The following GP6 variants were observed in gnomAD, a reference collection of about 807,000 sequenced individuals.
GP6 encodes the protein glycoprotein VI platelet.
Under a neutral mutation model 37.3 loss-of-function variants are expected in GP6, and 45 were observed. The observed-to-expected ratio is 1.21, with a 90% CI of 0.95 to 1.55. The LOEUF (loss-of-function observed/expected upper bound fraction) is 1.55, where lower values mean the gene tolerates loss of function less well. Ranked by LOEUF, GP6 falls within the 40% of genes most tolerant of loss-of-function variation. The probability of loss-of-function intolerance (pLI) is 0.00; values close to 1 mark genes in which losing one functional copy is unlikely to be tolerated. For missense variants in GP6, 813 were observed against 760.2 expected (o/e 1.07, Z -0.82); for synonymous variants, 340 against 316.4 (o/e 1.07, Z -0.79).
chr19:55,015,396 C>T (rs890626313), intron 7 of GP6, among the ~76,000 whole-genome samples: 6 of 152,218 alleles, frequency 3.9e-5, no homozygotes, highest in Non-Finnish European at 7.3e-5. Flanking sequence ...GACAACTCCT[C>T]CCCAGACACA....
chr19:55,026,113 C>T (rs2074293296), intron 4 of GP6, among the ~76,000 whole-genome samples: 1 of 151,858 alleles, frequency 6.6e-6, no homozygotes, highest in Non-Finnish European at 1.5e-5. Context: ...AACCTCAGTT[C>T]TATTTCTTCT....
At chr19:55,034,150 A>ATGTGTGTGTGTG (rs61435060) in intron 1 of GP6, among the ~76,000 whole-genome samples, 6,055 of 149,208 alleles carry the variant, frequency 0.041, 159 homozygotes, top group Non-Finnish European at 0.06. Flanking sequence ...ATATGTATGC[A>ATGTGTGTGTGTG]TGTGTGTGTG....
At chr19:55,035,445 C>T (rs944515536) in intron 1 of GP6, among the ~76,000 whole-genome samples, 5 of 152,166 alleles carry the variant, frequency 3.3e-5, no homozygotes, top group East Asian at 1.9e-4. Context: ...ACCGGCCGGG[C>T]GCGCTGGCTC....
rs1036345553 is a variant in GP6 at position 55,014,183 on chromosome 19, A to C, written c.1762T>G (p.Cys588Gly). 4.2e-6 allele frequency: 3 copies of C among 712,958 alleles called. No homozygotes were observed. Among genetic ancestry groups the C allele is most frequent in the Admixed American group, 2.0e-5 (1 of 50,272 alleles). 44.2% of individuals were successfully genotyped at this position (712,958 alleles called of 1,614,324 possible). ...CAGTGGTGTGATCTCAGCTCACTGC[A>C]ACCTCTGCCTCCCAGGCTCAAGCCA... Residue 588 changes from cysteine (C) to glycine (G), a missense_variant, in exon 8 of 8, where the codon TGC (cysteine) becomes GGC (glycine). Cys to Gly is a radical substitution (Grantham distance 159). Transcript: ENST00000310373.
At chr19:55,033,515 G>A (rs1266135020) in intron 1 of GP6, among the ~76,000 whole-genome samples, 1 of 147,196 alleles carries the variant, frequency 6.8e-6, no homozygotes, top group African/African-American at 2.5e-5. Context: ...TAGACACGGT[G>A]GGCTCGTTTG....
In GP6 at chr19:55,014,378, T is replaced by G. The variant is rs777054385; in HGVS notation, c.1567A>C (p.Ser523Arg). 1.5e-5 allele frequency: 24 copies of G among 1,613,540 alleles called. 2 individuals carry two copies. The South Asian group carries it at 2.5e-4, about 17-fold the overall frequency. The stretch of plus-strand genomic sequence containing the variant: ...AGCGGGCAACGTGCTAGTTTTACAC[T>G]AAGGAAAATGAATGACATACCCAAA... Residue 523 changes from serine (S) to arginine (R), a missense_variant, in exon 8 of 8, where the codon AGT becomes CGT. Physicochemically the swap from Ser to Arg is moderately radical, Grantham distance 110 (BLOSUM62 -1). Coordinates refer to ENST00000310373, the MANE Select transcript of GP6 (RefSeq NM_001083899.2).
chr19:55,027,016 TAC>T (rs2074332260), intron 4 of GP6, among the ~76,000 whole-genome samples: 1 of 122,210 alleles, frequency 8.2e-6, no homozygotes, highest in African/African-American at 3.3e-5. Context: ...CCTTCCCACC[TAC>T]GGCCCCGCCC....
intron 5 of GP6, among the ~76,000 whole-genome samples, chr19:55,024,535 A>G (rs922874288): frequency 5.9e-5 from 9 of 152,204 alleles, no homozygotes; most frequent in Non-Finnish European, 1.0e-4. Context: ...AGACACGCCC[A>G]GCCTCCAGCC....
rs765312634 is a variant in GP6 at position 55,014,903 on chromosome 19, G to T, written c.1042C>A (p.Arg348=). 2 of 1,613,690 alleles carry T rather than the reference G, an allele frequency of 1.2e-6. No individual in the cohort carries two copies. The highest frequency in any genetic ancestry group is 3.3e-5 in the Admixed American group (2 of 60,016). The change falls in exon 8 of 8, where the codon CGG becomes AGG. Residue 348 remains arginine, a synonymous_variant. Coordinates refer to ENST00000310373, the MANE Select transcript of GP6 (RefSeq NM_001083899.2). ...CATGATCCCTCCCTTGGATACGACCGTGCCTGGGGTTCAGCGGTCATGAAC... is the reference window on the plus strand; with the variant it reads ...CATGATCCCTCCCTTGGATACGACCTTGCCTGGGGTTCAGCGGTCATGAAC...
intron 1 of GP6, among the ~76,000 whole-genome samples, chr19:55,035,989 C>T (rs1044455325): frequency 1.3e-5 from 2 of 151,422 alleles, no homozygotes; most frequent in African/African-American, 4.9e-5. Flanking sequence ...AGGAGAATCA[C>T]TTAAACCCGG....
intron 3 of GP6, among the ~76,000 whole-genome samples, chr19:55,030,026 T>G (rs1568631174): frequency 2.0e-5 from 3 of 152,134 alleles, no homozygotes; most frequent in Admixed American, 2.0e-4. Flanking sequence ...TCCCAAACAA[T>G]TAACATATTT....
intron 5 of GP6, among the ~76,000 whole-genome samples, chr19:55,024,280 A>ACATGCACGCATG: frequency 3.3e-5 from 1 of 30,318 alleles, no homozygotes; most frequent in Admixed American, 5.8e-4. Context: ...ACGCATGCAC[A>ACATGCACGCATG]CACACACATA....
Position 55,028,147 on chromosome 19 carries a change from C to T in GP6, c.326-285G>A, listed in dbSNP as rs528193201. ...TGTATCTGAGCCTCACTGCCTTGTT[C>T]TGTTAAAATGGGGATGACTGAATGA... On this transcript the variant is annotated intron_variant, in intron 3 of 7. Transcript: ENST00000310373. Among the ~76,000 whole-genome samples the T allele has an allele frequency of 2.0e-5, 3 of 152,358 alleles. No individual in the cohort carries two copies. The South Asian group carries it at 6.2e-4, about 32-fold the overall frequency.
Position 55,036,089 on chromosome 19 carries a change from A to G in GP6, c.34+2114T>C, listed in dbSNP as rs1018654015. Among the ~76,000 whole-genome samples, 3 of 148,342 alleles carry G rather than the reference A, an allele frequency of 2.0e-5. No individual in the cohort carries two copies. In the East Asian group the frequency reaches 6.0e-4, roughly 29 times the overall value. ...TTCCGTCTTTAAAAAAAAAAAAAAA[A>G]AGTCTTTTGCAGCAACTTGGATGGA... On this transcript the variant is annotated intron_variant, in intron 1 of 7. Coordinates refer to ENST00000310373, the MANE Select transcript of GP6 (RefSeq NM_001083899.2).
At chr19:55,024,627 A>G (rs570350052) in intron 5 of GP6, among the ~76,000 whole-genome samples, 2 of 152,284 alleles carry the variant, frequency 1.3e-5, no homozygotes, top group South Asian at 2.1e-4. Flanking sequence ...GGAGGGGATA[A>G]CACGCCTCAC....
chr19:55,032,934 G>A (rs1280657200), intron 1 of GP6: 2 of 310,778 alleles, frequency 6.4e-6, no homozygotes, highest in South Asian at 3.4e-5. Context: ...TGTTAGACAC[G>A]GTGGGCTCGT....
rs567986876 is a variant in GP6, at chr19:55,014,050, A to G, written c.*32T>C. 2 of 593,768 alleles carry G rather than the reference A, an allele frequency of 3.4e-6. No individual in the cohort carries two copies. Among genetic ancestry groups the G allele is most frequent in the Non-Finnish European group, 6.3e-6 (2 of 315,748 alleles). 36.8% of individuals were successfully genotyped at this position (593,768 alleles called of 1,614,324 possible). ...GTACATATTTATGGGGTGGACAGCAATATTGCAGTACATGTATACAACGTG... is the reference window on the plus strand; with the variant it reads ...GTACATATTTATGGGGTGGACAGCAGTATTGCAGTACATGTATACAACGTG... On this transcript the variant is annotated 3_prime_UTR_variant, in exon 8 of 8. Coordinates refer to ENST00000310373, the MANE Select transcript of GP6 (RefSeq NM_001083899.2).
Position 55,032,916 on chromosome 19 carries a change from C to T in GP6, c.35-378G>A, listed in dbSNP as rs867517589. On this transcript the variant is annotated intron_variant, in intron 1 of 7. Transcript: ENST00000310373. ...ACTCGTTCGTGTTAGACACGGTGGG[C>T]TCGTTCGTGTTAGACACGGTGGGCT... The T allele has an allele frequency of 4.9e-4, 169 of 344,186 alleles. 1 individual carries two copies. Among genetic ancestry groups the T allele is most frequent in the African/African-American group, 3.7e-3 (149 of 40,702 alleles). 21.3% of individuals were successfully genotyped at this position (344,186 alleles called of 1,614,324 possible). A position where few individuals can be genotyped will look rare whatever the true frequency, so the allele number is the denominator to read the frequency against.
At chr19:55,024,049 C>T (rs116540686) in intron 5 of GP6, among the ~76,000 whole-genome samples, 5 of 152,180 alleles carry the variant, frequency 3.3e-5, no homozygotes. Flanking sequence ...GAATCTACAA[C>T]TGTGACAAAT....
Sources: gnomAD v4.1 joint callset for allele counts (sites outside exome capture counted in the v4.1 genomes callset) on GRCh38, gnomAD v4.1.1 for gene constraint, MANE v1.5 for transcripts, NCBI Gene and HGNC (gene_info 2026-07-23, HGNC 2026-07-21) for gene names.